SGMS1: variants seen among roughly 807,000 people sequenced by gnomAD.
SGMS1 encodes the protein sphingomyelin synthase 1, also known as phosphatidylcholine:ceramide cholinephosphotransferase 1.
SGMS1 carries 13 observed loss-of-function variants against 46.2 expected under a neutral mutation model. The ratio of observed to expected loss-of-function variants is 0.28; its 90% CI spans 0.18 to 0.45. The LOEUF (loss-of-function observed/expected upper bound fraction) is 0.45. Ranked by LOEUF, SGMS1 falls within the 20% of genes least tolerant of loss-of-function variation. The pLI is 1.00. For synonymous variants in SGMS1, 203 were observed against 187.8 expected (o/e 1.08, Z -0.66); for missense variants, 324 against 519.9 (o/e 0.62, Z 3.66).
chr10:50,468,934 G>A (rs1052755866), intron 3 of SGMS1, among the ~76,000 whole-genome samples: 2 of 152,168 alleles, frequency 1.3e-5, no homozygotes, highest in Non-Finnish European at 2.9e-5. Flanking sequence ...ATCATGATAT[G>A]CCTTTACACT....
chr10:50,344,744 C>T (rs964758297), intron 6 of SGMS1, among the ~76,000 whole-genome samples: 3 of 152,168 alleles, frequency 2.0e-5, no homozygotes, highest in Admixed American at 2.0e-4. Flanking sequence ...TGGCGGGCGC[C>T]TGTAGTCCCA....
intron 3 of SGMS1, among the ~76,000 whole-genome samples, chr10:50,502,729 G>A (rs1412353938): frequency 6.6e-6 from 1 of 152,174 alleles, no homozygotes; most frequent in Non-Finnish European, 1.5e-5. Context: ...ATGTATTTAT[G>A]TGGATGCCCT....
intron 6 of SGMS1, among the ~76,000 whole-genome samples, chr10:50,406,651 C>T (rs535639254): frequency 6.6e-6 from 1 of 151,372 alleles, no homozygotes; most frequent in African/African-American, 2.4e-5. Context: ...GTTCTGTTTA[C>T]TTTTTATTAG....
intron 2 of SGMS1, among the ~76,000 whole-genome samples, chr10:50,539,300 T>C (rs1259667532): frequency 6.6e-6 from 1 of 152,258 alleles, no homozygotes; most frequent in Non-Finnish European, 1.5e-5. Context: ...CTAGGAACAA[T>C]GCCCCTTGTT....
At position 50,596,279 on chromosome 10, in the gene SGMS1, C is replaced by T. The variant is rs777792097; in HGVS notation, c.-683-6032G>A. On this transcript the variant is annotated intron_variant, in intron 1 of 10. Coordinates refer to ENST00000361781, the MANE Select transcript of SGMS1 (RefSeq NM_147156.4). ...GCAACCTGCGCCTCCCTGGTTCAAG[C>T]GATTCCCCTGCCTCAGCCTCCCGAA... Among the ~76,000 whole-genome samples, 23 of 151,478 alleles carry T rather than the reference C, an allele frequency of 1.5e-4. 1 individual carries two copies. Among genetic ancestry groups the T allele is most frequent in the East Asian group, 3.9e-4 (2 of 5,152 alleles).
intron 2 of SGMS1, among the ~76,000 whole-genome samples, chr10:50,564,439 C>G (rs906467544): frequency 1.3e-5 from 2 of 152,220 alleles, no homozygotes; most frequent in Non-Finnish European, 2.9e-5. Context: ...AACCAATACT[C>G]TAGTTTTTCC....
At chr10:50,475,872 A>G (rs190187449) in intron 3 of SGMS1, among the ~76,000 whole-genome samples, 58 of 152,246 alleles carry the variant, frequency 3.8e-4, no homozygotes, top group African/African-American at 1.4e-3. Context: ...TACAGCCTGC[A>G]TAACTTTGAG....
chr10:50,378,855 C>T (rs1183429238), intron 6 of SGMS1, among the ~76,000 whole-genome samples: 2 of 152,150 alleles, frequency 1.3e-5, no homozygotes, highest in Non-Finnish European at 2.9e-5. Flanking sequence ...CAGGACAATG[C>T]ACTGAGCTTG....
At chr10:50,348,786 T>C (rs896154390) in intron 6 of SGMS1, among the ~76,000 whole-genome samples, 1 of 152,218 alleles carries the variant, frequency 6.6e-6, no homozygotes, top group African/African-American at 2.4e-5. Context: ...AAGCTACCAC[T>C]GACTTTCTTC....
At chr10:50,380,876 C>G (rs2133473622) in intron 6 of SGMS1, among the ~76,000 whole-genome samples, 1 of 152,204 alleles carries the variant, frequency 6.6e-6, no homozygotes, top group South Asian at 2.1e-4. Context: ...GTTGACCAGG[C>G]TGCGGTGCAG....
At chr10:50,395,087 C>G (rs76263175) in intron 6 of SGMS1, among the ~76,000 whole-genome samples, 1 of 152,132 alleles carries the variant, frequency 6.6e-6, no homozygotes, top group Non-Finnish European at 1.5e-5. Flanking sequence ...AGAGCAACAT[C>G]AAGCCCCTGA....
rs550624342 is a variant in SGMS1 at position 50,429,441 on chromosome 10, A to G, written c.-232+4035T>C. ...ATCTAGATTTGTGTAAGTACACTCT[A>G]TTATGTTGACACAACAACAATATTG... On this transcript the variant is annotated intron_variant, in intron 6 of 10. Coordinates refer to ENST00000361781, the MANE Select transcript of SGMS1 (RefSeq NM_147156.4). Among the ~76,000 whole-genome samples the G allele has an allele frequency of 5.9e-5, 9 of 152,286 alleles. No individual in the cohort carries two copies. In the East Asian group the frequency reaches 1.7e-3, roughly 29 times the overall value.
At chr10:50,486,912 T>C (rs1837525614) in intron 3 of SGMS1, among the ~76,000 whole-genome samples, 1 of 152,180 alleles carries the variant, frequency 6.6e-6, no homozygotes, top group Admixed American at 6.5e-5. Flanking sequence ...TCAACCTAAA[T>C]GCCCATCAAT....
intron 6 of SGMS1, among the ~76,000 whole-genome samples, chr10:50,427,312 C>T (rs968115012): frequency 9.9e-5 from 15 of 152,110 alleles, no homozygotes; most frequent in Admixed American, 2.6e-4. Flanking sequence ...GGCAGGAGAA[C>T]GGCATGAACC....
At chr10:50,386,779 G>C (rs1418742730) in intron 6 of SGMS1, among the ~76,000 whole-genome samples, 1 of 152,206 alleles carries the variant, frequency 6.6e-6, no homozygotes, top group Admixed American at 6.5e-5. Flanking sequence ...CTGTGAGATG[G>C]AGGGGAGGAA....
chr10:50,618,619 A>G (rs942880542), intron 1 of SGMS1, among the ~76,000 whole-genome samples: 1 of 152,230 alleles, frequency 6.6e-6, no homozygotes, highest in African/African-American at 2.4e-5. Context: ...AAAACTAGAA[A>G]GTTGGTTAAT....
chr10:50,355,192 C>A (rs1338560213), intron 6 of SGMS1, among the ~76,000 whole-genome samples: 1 of 152,188 alleles, frequency 6.6e-6, no homozygotes, highest in African/African-American at 2.4e-5. Context: ...TGGAACCAAC[C>A]CAAATGTCCA....
intron 1 of SGMS1, among the ~76,000 whole-genome samples, chr10:50,594,864 C>A (rs1259105153): frequency 6.6e-6 from 1 of 152,214 alleles, no homozygotes; most frequent in African/African-American, 2.4e-5. Context: ...AACTCAACCT[C>A]CTGACAGTTC....
intron 6 of SGMS1, among the ~76,000 whole-genome samples, chr10:50,426,495 C>A (rs1020449651): frequency 3.3e-5 from 5 of 152,190 alleles, no homozygotes; most frequent in African/African-American, 9.7e-5. Flanking sequence ...ATGAAGCAGA[C>A]CTTACTGAAA....
Sources: allele counts gnomAD v4.1 joint callset (sites outside exome capture counted in the v4.1 genomes callset), GRCh38; gene constraint gnomAD v4.1.1; transcripts MANE v1.5; gene names NCBI Gene and HGNC (gene_info 2026-07-23, HGNC 2026-07-21).